OSBP2: variants seen among roughly 807,000 people sequenced by gnomAD.
OSBP2 encodes oxysterol binding protein 2.
Under a neutral mutation model 96.0 loss-of-function variants are expected in OSBP2, and 66 were observed. That is an observed-to-expected ratio of 0.69 (90% CI 0.56 to 0.84). The LOEUF is 0.84. Among genes scored for constraint, OSBP2 ranks in the 40% least tolerant of loss-of-function variants. OSBP2 has a pLI of 0.00. For missense variants in OSBP2, 1,038 were observed against 1,222.7 expected, an observed-to-expected ratio of 0.85 and a Z score of 2.25; for synonymous variants, 525 against 520.9, an observed-to-expected ratio of 1.01 and a Z score of -0.11.
chr22:30,859,628 C>T (rs1409175036), intron 2 of OSBP2, among the ~76,000 whole-genome samples: 1 of 152,240 alleles, frequency 6.6e-6, no homozygotes, highest in African/African-American at 2.4e-5. Context: ...CCTTCCTCCA[C>T]AGCCCAAAGA....
chr22:30,694,180 T>A (rs1209754963), upstream of OSBP2: 1 of 1,550,314 alleles, frequency 6.5e-7, no homozygotes, highest in Admixed American at 2.0e-5. Flanking sequence ...ACGCTTGGTT[T>A]ACAAAAAGTC....
intron 2 of OSBP2, among the ~76,000 whole-genome samples, chr22:30,786,638 T>G (rs1221666783): frequency 6.9e-6 from 1 of 144,082 alleles, no homozygotes; most frequent in African/African-American, 2.6e-5. Context: ...GGAGTACAAT[T>G]GAAAATGAGG....
At position 30,808,463 on chromosome 22, in the gene OSBP2, C is replaced by T. The variant is rs534287747; in HGVS notation, c.854-61966C>T. On this transcript the variant is annotated intron_variant, in intron 2 of 13. Coordinates refer to ENST00000332585, the MANE Select transcript of OSBP2 (RefSeq NM_030758.4). ...TGAAGGCTGTAGTAAGCCATGATCA[C>T]CCCACTGCATTCTGGCCTGGGTGAT... is the stretch of plus-strand genomic sequence containing the variant. Among the ~76,000 whole-genome samples the T allele has an allele frequency of 2.0e-5, 3 of 152,258 alleles. No individual in the cohort carries two copies. The East Asian group carries it at 5.8e-4, about 29-fold the overall frequency.
chr22:30,896,844 C>G (rs1457151411), intron 12 of OSBP2, among the ~76,000 whole-genome samples: 1 of 151,974 alleles, frequency 6.6e-6, no homozygotes, highest in Admixed American at 6.6e-5. Flanking sequence ...GACAGGGTGT[C>G]ACTATGTTGC....
In OSBP2 at chr22:30,890,186, A is replaced by G. The variant is rs2039913747; in HGVS notation, c.1624-542A>G. 6.6e-6 allele frequency among the ~76,000 whole-genome samples: 1 copy of G among 152,012 alleles called. No individual in the cohort carries two copies. Among genetic ancestry groups the G allele is most frequent in the African/African-American group, 2.4e-5 (1 of 41,366 alleles). On this transcript the variant is annotated intron_variant, in intron 7 of 13. Transcript: ENST00000332585. The surrounding 1 kb of genome is among the most constrained non-coding windows in gnomAD (Gnocchi z 4.4). ...TGGGGAGAAACACAGCGTCCTCTTC[A>G]GTGTCTGGGAGGATGGAGCAAGATA...
chr22:30,792,753 A>G lies in OSBP2; in HGVS notation c.853+51384A>G, dbSNP rs560540377. Among the ~76,000 whole-genome samples the G allele has an allele frequency of 1.8e-4, 27 of 152,346 alleles. 4 individuals are homozygous for G. The highest frequency in any genetic ancestry group is 1.5e-3 in the Admixed American group (23 of 15,306). ...GTCTCTTCGGGAGAAAGTGAACCCT[A>G]TGAAAAGCACAAGCCTCCGGTCTTC... On this transcript the variant is annotated intron_variant, in intron 2 of 13. Transcript: ENST00000332585.
rs778196099 is a variant in OSBP2 at position 30,695,094 on chromosome 22, G to C, written c.185G>C (p.Arg62Pro). ...CCCCAGCCCGTGCCCGAACCGGAGC[G>C]GGGACCGCTGTCAGAACAGGTGTCG... Reference protein sequence around the residue: ...PQPQPVPEPERGPLSEQVSEA... With the variant: ...PQPQPVPEPEPGPLSEQVSEA... Residue 62 changes from arginine to proline, a missense_variant, in exon 1 of 14, where the codon CGG becomes CCG. This residue lies in a region of OSBP2 where 281 missense variants were observed against 273.4 expected (regional missense o/e 1.03). Transcript: ENST00000332585. 3 of 1,580,414 alleles carry C rather than the reference G, an allele frequency of 1.9e-6. No individual in the cohort carries two copies. In the South Asian group the frequency reaches 3.5e-5, roughly 18 times the overall value.
At position 30,759,405 on chromosome 22, in the gene OSBP2, C is replaced by T. The variant is rs146707026; in HGVS notation, c.853+18036C>T. 6.7e-3 allele frequency among the ~76,000 whole-genome samples: 1,017 copies of T among 152,278 alleles called. 10 individuals carry two copies. Among genetic ancestry groups the T allele is most frequent in the African/African-American group, 0.023 (954 of 41,554 alleles). ...AAACAGTGAAACCACCACCCAGAGA[C>T]GGCTGGTCACTACCTGTGGCCTTAA... On this transcript the variant is annotated intron_variant, in intron 2 of 13. Transcript: ENST00000332585.
rs575673719 is a variant in OSBP2 at position 30,867,440 on chromosome 22, G to T, written c.854-2989G>T. On this transcript the variant is annotated intron_variant, in intron 2 of 13. Transcript: ENST00000332585. The stretch of plus-strand genomic sequence containing the variant: ...CCCCGGGAGGAACCCATGGGCCTAG[G>T]TGGGCCCCGAAGCACTTATTCATTC... 8.5e-5 allele frequency among the ~76,000 whole-genome samples: 13 copies of T among 152,308 alleles called. No individual in the cohort carries two copies. In the South Asian group the frequency reaches 2.5e-3, roughly 29 times the overall value.
intron 2 of OSBP2, among the ~76,000 whole-genome samples, chr22:30,823,344 A>G (rs955227396): frequency 6.6e-6 from 1 of 152,188 alleles, no homozygotes; most frequent in Non-Finnish European, 1.5e-5. Flanking sequence ...GCAATTCCTG[A>G]TGCTTGAAAC....
At position 30,752,288 on chromosome 22, in the gene OSBP2, CTTTT is replaced by C. The variant is rs10691256; in HGVS notation, c.853+10944_853+10947del. ...GGCCACATATTTTTTCTTTGCTTTG[CTTTT>C]TTTTTTTTTTTTTTTTTTTTTTTTG... On this transcript the variant is annotated intron_variant, in intron 2 of 13. Transcript: ENST00000332585. Among the ~76,000 whole-genome samples, 14 of 48,674 alleles carry C rather than the reference CTTTT, an allele frequency of 2.9e-4. 1 individual carries two copies. The South Asian group carries it at 7.9e-3, about 27-fold the overall frequency. 31.9% of individuals were successfully genotyped at this position (48,674 alleles called of 152,430 possible). A position where few individuals can be genotyped will look rare whatever the true frequency, so the allele number is the denominator to read the frequency against.
intron 12 of OSBP2, among the ~76,000 whole-genome samples, chr22:30,904,413 T>C (rs1366676267): frequency 6.6e-6 from 1 of 152,234 alleles, no homozygotes; most frequent in Non-Finnish European, 1.5e-5. Context: ...TCTACTTACA[T>C]CTTCAACATG....
chr22:30,842,314 A>G (rs906249222), intron 2 of OSBP2, among the ~76,000 whole-genome samples: 3 of 152,058 alleles, frequency 2.0e-5, no homozygotes, highest in African/African-American at 7.2e-5. Flanking sequence ...AAAACAAAAC[A>G]AACCCTCTAT....
chr22:30,899,505 G>A (rs2040149190), intron 12 of OSBP2, among the ~76,000 whole-genome samples: 1 of 151,712 alleles, frequency 6.6e-6, no homozygotes, highest in South Asian at 2.1e-4. Context: ...ATTACTGTAA[G>A]GAAAACACGA....
intron 2 of OSBP2, among the ~76,000 whole-genome samples, chr22:30,869,993 G>C (rs1041384081): frequency 2.0e-5 from 3 of 152,228 alleles, no homozygotes; most frequent in African/African-American, 7.2e-5. Context: ...GCTTGGGGTA[G>C]GCCTGCGATG....
chr22:30,829,420 G>T (rs1184534411), intron 2 of OSBP2, among the ~76,000 whole-genome samples: 1 of 152,198 alleles, frequency 6.6e-6, no homozygotes, highest in African/African-American at 2.4e-5. Context: ...AGCCTCCCGA[G>T]TAGCTGGGAT....
intron 2 of OSBP2, among the ~76,000 whole-genome samples, chr22:30,745,173 G>A (rs762921691): frequency 3.3e-5 from 5 of 151,824 alleles, no homozygotes; most frequent in Non-Finnish European, 7.4e-5. Flanking sequence ...GCAGTGCCCA[G>A]AGAGAAATGT....
intron 2 of OSBP2, among the ~76,000 whole-genome samples, chr22:30,782,102 C>T (rs192648784): frequency 1.4e-4 from 21 of 152,228 alleles, no homozygotes; most frequent in Admixed American, 6.5e-4. Context: ...GCCGAGATTA[C>T]GCCACTGCAC....
intron 1 of OSBP2, among the ~76,000 whole-genome samples, chr22:30,728,213 A>G (rs908059988): frequency 1.3e-5 from 2 of 151,408 alleles, no homozygotes; most frequent in South Asian, 2.1e-4. Context: ...TGGCTAACAC[A>G]GTGAAACCCC....
Sources: gnomAD v4.1 joint callset for allele counts (sites outside exome capture counted in the v4.1 genomes callset) on GRCh38, gnomAD v4.1.1 for gene constraint, gnomAD v4.1.1 regional missense constraint, Gnocchi (gnomAD v3.1) non-coding constraint, MANE v1.5 for transcripts, NCBI Gene and HGNC (gene_info 2026-07-23, HGNC 2026-07-21) for gene names.